The following COL6A3 variants were observed in gnomAD, a reference collection of about 807,000 sequenced individuals.
COL6A3 encodes the protein collagen type VI alpha 3 chain, also known as collagen alpha-3(VI) chain.
COL6A3 carries 137 observed loss-of-function variants against 274.1 expected under a neutral mutation model. That is an observed-to-expected ratio of 0.50 (90% CI 0.44 to 0.58). The LOEUF (loss-of-function observed/expected upper bound fraction) is 0.58, where lower values mean the gene tolerates loss of function less well. COL6A3 is among the 20% of genes least tolerant of loss of function. The probability of loss-of-function intolerance (pLI) is 0.00; values close to 1 mark genes in which losing one functional copy is unlikely to be tolerated. For missense variants in COL6A3, 3,950 were observed against 4,124.9 expected (o/e 0.96, Z 1.16); for synonymous variants, 1,650 against 1,650.6 (o/e 1.00, Z 0.01).
intron 4 of COL6A3, among the ~76,000 whole-genome samples, chr2:237,386,787 G>A (rs2078153699): frequency 1.3e-5 from 2 of 152,174 alleles, no homozygotes; most frequent in African/African-American, 4.8e-5. Context: ...AAATTGATAG[G>A]TCTGAAAAGT....
intron 26 of COL6A3, 58 bp downstream of exon 26, chr2:237,352,464 G>T (rs895808167): frequency 5.2e-5 from 78 of 1,512,438 alleles, no homozygotes; most frequent in Non-Finnish European, 6.4e-5. Context: ...CTCTCAGCCT[G>T]CTTGGCAATG....
At chr2:237,348,313 A>G in intron 30 of COL6A3, 36 bp downstream of exon 30, 2 of 1,585,246 alleles carry the variant, frequency 1.3e-6, no homozygotes, top group Non-Finnish European at 1.7e-6. Flanking sequence ...CCATCCCAAA[A>G]TCATGATGAT....
chr2:237,324,948 TC>T, intron 43 of COL6A3, 134 bp from the exon 44 acceptor site: 1 of 951,130 alleles, frequency 1.1e-6, no homozygotes, highest in Non-Finnish European at 1.6e-6. Context: ...CCATCACCTG[TC>T]CCACTTTTCT....
intron 31 of COL6A3, 107 bp from the exon 32 acceptor site, chr2:237,346,672 T>G (rs1278281718): frequency 2.0e-6 from 2 of 986,196 alleles, no homozygotes; most frequent in East Asian, 5.2e-5. Context: ...AGGGACTCCA[T>G]CACCACGAAA....
At position 237,379,197 on chromosome 2, in the gene COL6A3, C is replaced by T. The variant is rs140309965; in HGVS notation, c.1936G>A (p.Gly646Arg). The change falls in exon 6 of 44, where the codon GGA (glycine) becomes AGA (arginine). Residue 646 changes from glycine (G) to arginine (R), a missense_variant. By Grantham distance (125) the Gly-to-Arg change is moderately radical. Around this residue, in one of 5 missense-constraint regions of COL6A3, gnomAD observed 1,934 missense variants for 1,984.3 expected, o/e 0.97. Coordinates refer to ENST00000295550, the MANE Select transcript of COL6A3 (RefSeq NM_004369.4). ...TTGGTTTTTCCAACGTTGGCTGATC[C>T]ATCCAAAAGAAAGATGATATCCCTT... The part of the protein sequence containing the change: ...NKRDIIFLLD[G>R]SANVGKTNFP... 8.7e-6 allele frequency: 14 copies of T among 1,614,166 alleles called. No individual in the cohort carries two copies. Among genetic ancestry groups the T allele is most frequent in the Non-Finnish European group, 1.2e-5 (14 of 1,180,030 alleles).
chr2:237,354,988 T>C (rs1005462025), intron 23 of COL6A3, 54 bp from the exon 24 acceptor site: 2 of 1,535,314 alleles, frequency 1.3e-6, no homozygotes. Context: ...ACGCTGGGCA[T>C]GGGGCCTAGA....
intron 40 of COL6A3, 112 bp downstream of exon 40, chr2:237,336,023 C>T (rs1700523104): frequency 7.3e-7 from 1 of 1,362,600 alleles, no homozygotes; most frequent in African/African-American, 1.4e-5. Flanking sequence ...GGTGTACAAG[C>T]CCAGATCAAG....
intron 4 of COL6A3, chr2:237,386,316 T>C (rs1312423780): frequency 6.6e-6 from 1 of 152,262 alleles, no homozygotes; most frequent in African/African-American, 2.4e-5. Context: ...TAAAATCTTC[T>C]ACTCTTAATT....
Position 237,377,177 on chromosome 2 carries a change from G to T in COL6A3, c.2665C>A (p.Arg889Ser), listed in dbSNP as rs201327438. 11 of 1,614,114 alleles carry T rather than the reference G, an allele frequency of 6.8e-6. No individual in the cohort carries two copies. Among genetic ancestry groups the T allele is most frequent in the Non-Finnish European group, 9.3e-6 (11 of 1,180,034 alleles). The change falls in exon 7 of 44, where the codon CGT (arginine) becomes AGT (serine). Residue 889 changes from arginine (R) to serine (S), a missense_variant. Physicochemically the swap from Arg to Ser is moderately radical, Grantham distance 110. Around this residue, in one of 5 missense-constraint regions of COL6A3, gnomAD observed 1,934 missense variants for 1,984.3 expected, o/e 0.97. Coordinates refer to ENST00000295550, the MANE Select transcript of COL6A3 (RefSeq NM_004369.4). Reference sequence around the variant, plus strand: ...GGCTTACTCTGGTGCTCATCAAAACGGGACTCCACCTTGACATCATCGCTG... The same window carrying T: ...GGCTTACTCTGGTGCTCATCAAAACTGGACTCCACCTTGACATCATCGCTG... ...QYSDDVKVES[R>S]FDEHQSKPEI...
chr2:237,369,021 C>A lies in COL6A3; in HGVS notation c.4442G>T (p.Ser1481Ile), dbSNP rs377660056. ...SKVRVGVVQF[S>I]NDVFPEFYLK... Reference sequence around the variant, plus strand: ...ATAGAATTCTGGGAAGACATCATTGCTGAACTGCACGACCCCAACTCTCAC... The same window carrying A: ...ATAGAATTCTGGGAAGACATCATTGATGAACTGCACGACCCCAACTCTCAC... Residue 1481 changes from serine (S) to isoleucine (I), a missense_variant, in exon 10 of 44, where the codon AGC becomes ATC. This residue lies in a region of COL6A3 where 1,934 missense variants were observed against 1,984.3 expected (regional missense o/e 0.97). Transcript: ENST00000295550. 2 of 1,614,228 alleles carry A rather than the reference C, an allele frequency of 1.2e-6. No homozygotes were observed. The highest frequency in any genetic ancestry group is 1.7e-6 in the Non-Finnish European group (2 of 1,180,040).
At chr2:237,347,784 A>T in intron 31 of COL6A3, 23 bp downstream of exon 31, 5 of 1,604,264 alleles carry the variant, frequency 3.1e-6, no homozygotes, top group Non-Finnish European at 4.3e-6. Context: ...CCTCACCTGC[A>T]GCCAAGGCCC....
At chr2:237,399,108 A>G (rs2078525455) in intron 1 of COL6A3, among the ~76,000 whole-genome samples, 1 of 152,242 alleles carries the variant, frequency 6.6e-6, no homozygotes, top group Admixed American at 6.5e-5. Flanking sequence ...GAGGGTTCAT[A>G]AGATGAGAGG....
Position 237,340,901 on chromosome 2 carries a change from G to C in COL6A3, c.8015C>G (p.Ser2672Cys), listed in dbSNP as rs758750067. Residue 2672 changes from serine to cysteine, a missense_variant, in exon 38 of 44, where the codon TCT (serine) becomes TGT (cysteine). Physicochemically the swap from Ser to Cys is moderately radical, Grantham distance 112. This residue lies in a region of COL6A3 where 1,284 missense variants were observed against 1,349.7 expected (regional missense o/e 0.95). Coordinates refer to ENST00000295550, the MANE Select transcript of COL6A3 (RefSeq NM_004369.4). Reference sequence around the variant, plus strand: ...CATGCTGGCATTGTCCACGGACTCAGAGGGCGCGTGCTGCACAACTGCCAC... The same window carrying C: ...CATGCTGGCATTGTCCACGGACTCACAGGGCGCGTGCTGCACAACTGCCAC... ...ARVAVVQHAP[S>C]ESVDNASMPP... 2 of 1,613,400 alleles carry C rather than the reference G, an allele frequency of 1.2e-6. No homozygotes were observed. The highest frequency in any genetic ancestry group is 2.7e-5 in the African/African-American group (2 of 74,938).
At chr2:237,354,415 G>C (rs1034937260) in intron 24 of COL6A3, among the ~76,000 whole-genome samples, 4 of 151,900 alleles carry the variant, frequency 2.6e-5, no homozygotes, top group African/African-American at 9.7e-5. Flanking sequence ...TCATCCCTCT[G>C]CTCATGGGAG....
chr2:237,361,807 AGCAAGCTTTCTCG>A lies in COL6A3; in HGVS notation c.6075_6087del (p.Glu2026ValfsTer49). The A allele has an allele frequency of 6.2e-7, 1 of 1,614,186 alleles. No individual in the cohort carries two copies. Among genetic ancestry groups the A allele is most frequent in the African/African-American group, 1.3e-5 (1 of 75,060 alleles). ...CCAGAGCACTTGCAGGGAACCCCACAGCAAGCTTTCTCGGCAATGTTGTCCTACCGAAAGGAAG... is the reference window on the plus strand; with the variant it reads ...CCAGAGCACTTGCAGGGAACCCCACAGCAATGTTGTCCTACCGAAAGGAAG... On this transcript the variant is annotated frameshift_variant, in exon 15 of 44. Coordinates refer to ENST00000295550, the MANE Select transcript of COL6A3 (RefSeq NM_004369.4). LOFTEE classifies it high-confidence loss of function. The surrounding 1 kb of genome is among the most constrained non-coding windows in gnomAD (Gnocchi z 5.1).
intron 14 of COL6A3, among the ~76,000 whole-genome samples, chr2:237,362,113 C>A (rs1234007605): frequency 6.6e-6 from 1 of 152,208 alleles, no homozygotes; most frequent in Admixed American, 6.5e-5. Flanking sequence ...TCACTGCAGG[C>A]TGGACCTTAT....
In COL6A3 at chr2:237,365,713, C is replaced by T. The variant is rs373432063; in HGVS notation, c.5823G>A (p.Ser1941=). The T allele has an allele frequency of 8.7e-6, 14 of 1,614,174 alleles. No individual in the cohort carries two copies. The highest frequency in any genetic ancestry group is 4.0e-5 in the African/African-American group (3 of 75,048). ...KVYLNKFRQS[S]PDSVKVVIHF... is the part of the protein sequence containing the mutation. ...CCCCACAGACCTTCACGCTGTCCGG[C>T]GAGGACTGTCTGAACTTGTTCAGGT... is the stretch of plus-strand genomic sequence containing the variant. The change falls in exon 12 of 44, where the codon TCG becomes TCA. Residue 1941 remains serine, a synonymous_variant. Coordinates refer to ENST00000295550, the MANE Select transcript of COL6A3 (RefSeq NM_004369.4).
In COL6A3 at chr2:237,378,919, C is replaced by T. The variant is rs1410013839; in HGVS notation, c.2214G>A (p.Arg738=). The T allele has an allele frequency of 6.2e-7, 1 of 1,614,218 alleles. No homozygotes were observed. The highest frequency in any genetic ancestry group is 1.7e-5 in the Admixed American group (1 of 60,032). The stretch of plus-strand genomic sequence containing the variant: ...GGAGCTGCGGCACGTGTTCACGGAT[C>T]CTGCTGCCGCCAGCTTCCGTGAAGT... ...ANHFTEAGGS[R]IREHVPQLLL... Residue 738 remains arginine (R), a synonymous_variant, in exon 6 of 44, where the codon AGG becomes AGA. Transcript: ENST00000295550.
At position 237,339,069 on chromosome 2, in the gene COL6A3, C is replaced by G. The variant is rs1272949216; in HGVS notation, c.8513G>C (p.Trp2838Ser). 3 of 1,614,050 alleles carry G rather than the reference C, an allele frequency of 1.9e-6. No individual in the cohort carries two copies. Among genetic ancestry groups the G allele is most frequent in the Middle Eastern group, 1.6e-4 (1 of 6,062 alleles). The change falls in exon 39 of 44, where the codon TGG (tryptophan) becomes TCG (serine). Residue 2838 changes from tryptophan to serine, a missense_variant. Transcript: ENST00000295550. ...LSPDIRKQCD[W>S]FQGDQPTKNL... The stretch of plus-strand genomic sequence containing the variant: ...CTTTGTGGGTTGGTCCCCTTGGAAC[C>G]AATCACACTGTTTCCTGATATCTGG...
Sources: gnomAD v4.1 joint callset for allele counts (sites outside exome capture counted in the v4.1 genomes callset) on GRCh38, gnomAD v4.1.1 for gene constraint, gnomAD v4.1.1 regional missense constraint, Gnocchi (gnomAD v3.1) non-coding constraint, MANE v1.5 for transcripts, NCBI Gene and HGNC (gene_info 2026-07-23, HGNC 2026-07-21) for gene names.